The following SUPT7L variants were observed in gnomAD, a reference collection of about 807,000 sequenced individuals.
The protein encoded by SUPT7L is STAGA complex 65 subunit gamma.
SUPT7L carries 15 observed loss-of-function variants against 35.7 expected under a neutral mutation model. That is an observed-to-expected ratio of 0.42 (90% CI 0.28 to 0.65). The LOEUF (loss-of-function observed/expected upper bound fraction) is 0.65, where lower values mean the gene tolerates loss of function less well. SUPT7L is among the 30% of genes least tolerant of loss of function. The probability of loss-of-function intolerance (pLI) is 0.23; values close to 1 mark genes in which losing one functional copy is unlikely to be tolerated. For missense variants in SUPT7L, 434 were observed against 522.2 expected (o/e 0.83, Z 1.65); for synonymous variants, 168 against 186.2 (o/e 0.90, Z 0.79).
downstream of SUPT7L, among the ~76,000 whole-genome samples, chr2:27,649,272 A>G (rs1674397520): frequency 6.6e-6 from 1 of 151,746 alleles, no homozygotes; most frequent in South Asian, 2.1e-4. Context: ...AACAAACAAA[A>G]AAACACGAAA....
At chr2:27,648,093 G>C (rs1257528428), downstream of SUPT7L, 1 of 618,692 alleles carries the variant, frequency 1.6e-6, no homozygotes, top group Non-Finnish European at 2.9e-6. Flanking sequence ...GAGAGTTCCT[G>C]TCCTGCCTAC....
intron 4 of SUPT7L, among the ~76,000 whole-genome samples, chr2:27,656,616 T>G (rs550237513): frequency 6.6e-6 from 1 of 151,240 alleles, no homozygotes; most frequent in South Asian, 2.1e-4. Context: ...GGCAGGAGGA[T>G]TGTCAGTAGG....
chr2:27,642,752 T>C, the SUPT7L span, among the ~76,000 whole-genome samples: 4 of 151,742 alleles, frequency 2.6e-5, no homozygotes, highest in East Asian at 7.8e-4. Flanking sequence ...TTAGTAGAGA[T>C]GGGGTTTTTT....
rs1211235229 is a variant in SUPT7L at position 27,653,339 on chromosome 2, G to A, written c.*146C>T. ...CAAAAGTAAAATGCAACCTTGTTTGGTGACGTCCAGTTCCTCTGGAATTAG... is the reference window on the plus strand; with the variant it reads ...CAAAAGTAAAATGCAACCTTGTTTGATGACGTCCAGTTCCTCTGGAATTAG... On this transcript the variant is annotated 3_prime_UTR_variant, in exon 6 of 6. Transcript: ENST00000337768. 5 of 1,173,368 alleles carry A rather than the reference G, an allele frequency of 4.3e-6. No homozygotes were observed. Among genetic ancestry groups the A allele is most frequent in the Admixed American group, 2.6e-5 (1 of 38,716 alleles). 72.7% of individuals were successfully genotyped at this position (1,173,368 alleles called of 1,614,324 possible). A position where few individuals can be genotyped will look rare whatever the true frequency, so the allele number is the denominator to read the frequency against.
chr2:27,649,748 C>T (rs1314006502), downstream of SUPT7L, among the ~76,000 whole-genome samples: 1 of 152,130 alleles, frequency 6.6e-6, no homozygotes, highest in Non-Finnish European at 1.5e-5. Flanking sequence ...GGATGTTCCA[C>T]AGTTTGTTTA....
chr2:27,657,265 G>T lies in SUPT7L; in HGVS notation c.744+80C>A. 2 of 1,474,844 alleles carry T rather than the reference G, an allele frequency of 1.4e-6. No homozygotes were observed. The highest frequency in any genetic ancestry group is 9.3e-7 in the Non-Finnish European group (1 of 1,080,868). 91.4% of individuals were successfully genotyped at this position (1,474,844 alleles called of 1,614,324 possible). On this transcript the variant is annotated intron_variant, in intron 4 of 5. Transcript: ENST00000337768. This position sits in a 1 kb window ranked among gnomAD's most constrained non-coding sequence, Gnocchi z 5.2. ...CCAAGACTCTGTGCTCTGCACTCTA[G>T]ACCAAGTGTTGTGGGATCCTGCTGA...
In SUPT7L at chr2:27,653,222, T is replaced by C. The variant is rs752284181; in HGVS notation, c.*263A>G. On this transcript the variant is annotated 3_prime_UTR_variant, in exon 6 of 6. Transcript: ENST00000337768. ...TGTCTAGTCATAGTTAAGACAACAA[T>C]TGGGGACAGTGCTTTGGTCTGATTG... The C allele has an allele frequency of 2.9e-5, 14 of 478,796 alleles. No homozygotes were observed. The highest frequency in any genetic ancestry group is 1.4e-4 in the South Asian group (6 of 43,454). 29.7% of individuals were successfully genotyped at this position (478,796 alleles called of 1,614,324 possible).
At chr2:27,645,529 A>G in the SUPT7L span, among the ~76,000 whole-genome samples, 1 of 152,116 alleles carries the variant, frequency 6.6e-6, no homozygotes, top group Non-Finnish European at 1.5e-5. Flanking sequence ...TGACATCTCT[A>G]TGATGTTCAG....
At chr2:27,662,094 C>G (rs1006852411) in intron 2 of SUPT7L, 85 bp downstream of exon 2, 3 of 1,592,510 alleles carry the variant, frequency 1.9e-6, no homozygotes, top group Non-Finnish European at 2.6e-6. Flanking sequence ...AAACTTAAAT[C>G]AAATGGCTTC....
chr2:27,650,117 A>G, downstream of SUPT7L: 1 of 1,579,278 alleles, frequency 6.3e-7, no homozygotes, highest in Non-Finnish European at 8.7e-7. Flanking sequence ...CCTTGCAGTT[A>G]CAGAGGAAAG....
downstream of SUPT7L, among the ~76,000 whole-genome samples, chr2:27,647,164 C>T (rs956853540): frequency 1.3e-5 from 2 of 152,154 alleles, no homozygotes; most frequent in African/African-American, 4.8e-5. Flanking sequence ...CTGTCTCTGG[C>T]CACCCTTATT....
At chr2:27,648,200 TTTG>T (rs1229812286), downstream of SUPT7L, among the ~76,000 whole-genome samples, 1 of 152,136 alleles carries the variant, frequency 6.6e-6, no homozygotes, top group Non-Finnish European at 1.5e-5. Flanking sequence ...AGGACTTTTG[TTTG>T]TTGTTATTAG....
At chr2:27,647,722 G>A (rs1674306836), downstream of SUPT7L, 2 of 651,804 alleles carry the variant, frequency 3.1e-6, no homozygotes, top group Non-Finnish European at 5.6e-6. Context: ...GTAAGATCCT[G>A]CGTTTATATG....
the SUPT7L span, among the ~76,000 whole-genome samples, chr2:27,643,705 A>T: frequency 6.6e-6 from 1 of 152,164 alleles, no homozygotes; most frequent in Non-Finnish European, 1.5e-5. The surrounding 1 kb of genome is among the most constrained non-coding windows in gnomAD (Gnocchi z 4.0). Flanking sequence ...TTTATAGAGC[A>T]TCCTTCAGTT....
downstream of SUPT7L, among the ~76,000 whole-genome samples, chr2:27,647,326 G>A (rs976625818): frequency 1.3e-5 from 2 of 152,202 alleles, no homozygotes; most frequent in African/African-American, 4.8e-5. Flanking sequence ...TTCTATTAGT[G>A]TATTTGATTT....
downstream of SUPT7L, among the ~76,000 whole-genome samples, chr2:27,648,522 C>T (rs1449323259): frequency 6.6e-6 from 1 of 152,014 alleles, no homozygotes; most frequent in Admixed American, 6.6e-5. Flanking sequence ...ATCTCAAAAA[C>T]AAAAAACACA....
chr2:27,644,375 T>C, the SUPT7L span, among the ~76,000 whole-genome samples: 1 of 152,320 alleles, frequency 6.6e-6, no homozygotes, highest in East Asian at 1.9e-4. Flanking sequence ...TTTAATATTT[T>C]CTCCCTATCA....
In SUPT7L at chr2:27,657,766, G is replaced by T; in HGVS notation, c.420-97C>A. On this transcript the variant is annotated intron_variant, in intron 3 of 5. Coordinates refer to ENST00000337768, the MANE Select transcript of SUPT7L (RefSeq NM_014860.3). The surrounding 1 kb of genome is among the most constrained non-coding windows in gnomAD (Gnocchi z 5.2). ...TTTTACAATTCCAGTCAAGCCACTG[G>T]CCTAGCTTTCCAGGGAAATTCCATC... 1 of 1,198,386 alleles carries T rather than the reference G, an allele frequency of 8.3e-7. No individual in the cohort carries two copies. Among genetic ancestry groups the T allele is most frequent in the Non-Finnish European group, 1.1e-6 (1 of 870,254 alleles). 74.2% of individuals were successfully genotyped at this position (1,198,386 alleles called of 1,614,324 possible). A position where few individuals can be genotyped will look rare whatever the true frequency, so the allele number is the denominator to read the frequency against.
Position 27,653,591 on chromosome 2 carries a change from C to G in SUPT7L, c.1139G>C (p.Ser380Thr). ...SGMSEAGIPQ[S>T]PDDSDSSYGS... ...ATAGCTGCTATCTGAGTCATCAGGG[C>G]TCTGAGGAATCCCAGCTTCACTCAT... Residue 380 changes from serine to threonine, a missense_variant, in exon 6 of 6, where the codon AGC becomes ACC. Transcript: ENST00000337768. The G allele has an allele frequency of 6.2e-7, 1 of 1,614,204 alleles. No homozygotes were observed. The highest frequency in any genetic ancestry group is 1.3e-5 in the African/African-American group (1 of 75,042).
Sources: gnomAD v4.1 joint callset for allele counts (sites outside exome capture counted in the v4.1 genomes callset) on GRCh38, gnomAD v4.1.1 for gene constraint, Gnocchi (gnomAD v3.1) non-coding constraint, MANE v1.5 for transcripts, NCBI Gene and HGNC (gene_info 2026-07-23, HGNC 2026-07-21) for gene names.